SPATA13: variants seen among roughly 807,000 people sequenced by gnomAD.
The protein encoded by SPATA13 is spermatogenesis-associated protein 13.
SPATA13 carries 50 observed loss-of-function variants against 104.0 expected under a neutral mutation model. The ratio of observed to expected loss-of-function variants is 0.48; its 90% CI spans 0.38 to 0.61. SPATA13 has a LOEUF of 0.61. Among genes scored for constraint, SPATA13 ranks in the 20% least tolerant of loss-of-function variants. The pLI is 0.00. For synonymous variants in SPATA13, 606 were observed against 667.5 expected, an observed-to-expected ratio of 0.91 and a Z score of 1.42; for missense variants, 1,524 against 1,690.6, an observed-to-expected ratio of 0.90 and a Z score of 1.73.
chr13:23,990,832 C>T (rs1051363274), intron 2 of SPATA13, among the ~76,000 whole-genome samples: 1 of 152,162 alleles, frequency 6.6e-6, no homozygotes, highest in African/African-American at 2.4e-5. Context: ...AAGGAGAATG[C>T]CTTCTGGAAA....
rs1876160991 is a variant in SPATA13 at position 24,289,143 on chromosome 13, C to CT, written c.2812_2813insT (p.His938LeufsTer4). 6.2e-7 allele frequency: 1 copy of CT among 1,611,564 alleles called. No individual in the cohort carries two copies. The highest frequency in any genetic ancestry group is 1.3e-5 in the African/African-American group (1 of 74,694). ...GAAACAGTACAACAAAGAGGAACCTCACTTAAGTGAAATAGGATCTTGCTT... is the reference window on the plus strand; with the variant it reads ...GAAACAGTACAACAAAGAGGAACCTCTACTTAAGTGAAATAGGATCTTGCTT... On this transcript the variant is annotated frameshift_variant, in exon 8 of 13. Coordinates refer to ENST00000382108, the MANE Select transcript of SPATA13 (RefSeq NM_001166271.3). LOFTEE classifies it high-confidence loss of function.
Position 24,224,229 on chromosome 13 carries a change from C to G in SPATA13, c.1300C>G (p.Pro434Ala). ...CTGCACTTGCAGCTCTTTGCCAAGCCCGATTGTCCAGGATGTGTTGAGCAA... is the reference window on the plus strand; with the variant it reads ...CTGCACTTGCAGCTCTTTGCCAAGCGCGATTGTCCAGGATGTGTTGAGCAA... The part of the protein sequence containing the change: ...SSCTCSSLPS[P>A]IVQDVLSKDS... The change falls in exon 2 of 13, where the codon CCG becomes GCG. Residue 434 changes from proline to alanine, a missense_variant. Physicochemically the swap from Pro to Ala is conservative, Grantham distance 27. Coordinates refer to ENST00000382108, the MANE Select transcript of SPATA13 (RefSeq NM_001166271.3). The G allele has an allele frequency of 1.3e-6, 2 of 1,551,694 alleles. No homozygotes were observed. Among genetic ancestry groups the G allele is most frequent in the Non-Finnish European group, 1.7e-6 (2 of 1,146,994 alleles).
At chr13:24,227,408 G>GTT (rs1872005825) in intron 2 of SPATA13, among the ~76,000 whole-genome samples, 1 of 152,062 alleles carries the variant, frequency 6.6e-6, no homozygotes, top group Non-Finnish European at 1.5e-5. Context: ...GCTATTGTTA[G>GTT]TTATATCAAA....
intron 3 of SPATA13, among the ~76,000 whole-genome samples, chr13:24,070,419 T>G (rs1879117261): frequency 6.6e-6 from 1 of 152,156 alleles, no homozygotes; most frequent in Admixed American, 6.5e-5. Context: ...AGAGAGGAGA[T>G]ATCTCTTTCC....
At chr13:24,162,762 G>A (rs1375820190) in intron 1 of SPATA13, among the ~76,000 whole-genome samples, 1 of 152,188 alleles carries the variant, frequency 6.6e-6, no homozygotes, top group Admixed American at 6.5e-5. Context: ...ATGAGAAAAG[G>A]AAGGCTCAGA....
rs757550421 is a variant in SPATA13, at chr13:24,302,852, A to C, written c.*79A>C. On this transcript the variant is annotated 3_prime_UTR_variant, in exon 13 of 13. Transcript: ENST00000382108. ...GTTTCTTGTGTGCTTCAATCCAGGG[A>C]AAGTTTCTTGGACCCAGTGATAAAA... 1.3e-6 allele frequency: 2 copies of C among 1,592,506 alleles called. No individual in the cohort carries two copies. The highest frequency in any genetic ancestry group is 1.7e-6 in the Non-Finnish European group (2 of 1,165,282).
At chr13:24,217,571 G>A (rs1418320456) in intron 1 of SPATA13, among the ~76,000 whole-genome samples, 3 of 152,238 alleles carry the variant, frequency 2.0e-5, no homozygotes, top group Admixed American at 1.3e-4. Flanking sequence ...GGCAGACAAG[G>A]AAAGCAGAAT....
chr13:24,106,540 A>G (rs993488395), intron 3 of SPATA13, among the ~76,000 whole-genome samples: 4 of 152,188 alleles, frequency 2.6e-5, no homozygotes, highest in African/African-American at 9.7e-5. Context: ...CCAAGCCTGT[A>G]GGTGCATTGC....
At position 24,221,806 on chromosome 13, in the gene SPATA13, A is replaced by ATTT. The variant is rs35282665; in HGVS notation, c.-111-995_-111-993dup. On this transcript the variant is annotated intron_variant, in intron 1 of 12. Coordinates refer to ENST00000382108, the MANE Select transcript of SPATA13 (RefSeq NM_001166271.3). The stretch of plus-strand genomic sequence containing the variant: ...GTTTAATTTGAATTCTTACCTCTGA[A>ATTT]TTTTTTTTTTTTTTTTTTTTGAGAC... 2.8e-4 allele frequency among the ~76,000 whole-genome samples: 34 copies of ATTT among 122,426 alleles called. 1 individual carries two copies. The highest frequency in any genetic ancestry group is 8.6e-4 in the African/African-American group (27 of 31,262). 80.3% of individuals were successfully genotyped at this position (122,426 alleles called of 152,430 possible). A position where few individuals can be genotyped will look rare whatever the true frequency, so the allele number is the denominator to read the frequency against.
chr13:24,157,307 A>G (rs1882285687), upstream of SPATA13, among the ~76,000 whole-genome samples: 1 of 151,640 alleles, frequency 6.6e-6, no homozygotes, highest in Non-Finnish European at 1.5e-5. Context: ...TCTTTTTAAT[A>G]TATTTTTTTG....
At chr13:24,050,845 C>CATT (rs930063522) in intron 3 of SPATA13, among the ~76,000 whole-genome samples, 82 of 152,340 alleles carry the variant, frequency 5.4e-4, no homozygotes, top group African/African-American at 1.9e-3. Flanking sequence ...GTGTAACACT[C>CATT]AGACACCCAA....
chr13:24,197,217 G>A (rs1870106790), intron 1 of SPATA13, among the ~76,000 whole-genome samples: 1 of 152,134 alleles, frequency 6.6e-6, no homozygotes, highest in South Asian at 2.1e-4. Flanking sequence ...TAATATTTAT[G>A]TGATGGAATA....
chr13:24,157,693 A>T (rs144133880), upstream of SPATA13, among the ~76,000 whole-genome samples: 1 of 152,210 alleles, frequency 6.6e-6, no homozygotes, highest in Non-Finnish European at 1.5e-5. Context: ...ATGAGGAGAA[A>T]GGAGTTTCCT....
Position 24,294,851 on chromosome 13 carries a change from T to G in SPATA13, c.3193T>G (p.Ser1065Ala). The part of the protein sequence containing the change: ...SIDKIARWQV[S>A]IVGWEGLDIL... ...CGACAAGATAGCTCGCTGGCAGGTG[T>G]CTATCGTGGGCTGGGAGGTAAGTGG... The change falls in exon 10 of 13, where the codon TCT (serine) becomes GCT (alanine). Residue 1065 changes from serine (S) to alanine (A), a missense_variant. Around this residue, in one of 2 missense-constraint regions of SPATA13, gnomAD observed 435 missense variants for 554.8 expected, o/e 0.78. Coordinates refer to ENST00000382108, the MANE Select transcript of SPATA13 (RefSeq NM_001166271.3). 6.2e-7 allele frequency: 1 copy of G among 1,609,644 alleles called. No homozygotes were observed. Among genetic ancestry groups the G allele is most frequent in the South Asian group, 1.1e-5 (1 of 90,954 alleles).
At chr13:24,125,318 C>G (rs142579144) in intron 3 of SPATA13, among the ~76,000 whole-genome samples, 72 of 152,280 alleles carry the variant, frequency 4.7e-4, no homozygotes, top group Non-Finnish European at 8.8e-4. Flanking sequence ...AGGGAAACTT[C>G]CTGTCATTCC....
intron 2 of SPATA13, among the ~76,000 whole-genome samples, chr13:23,986,502 A>G (rs1198278601): frequency 1.3e-5 from 2 of 152,176 alleles, no homozygotes; most frequent in Non-Finnish European, 2.9e-5. Context: ...TGTCTTCTCT[A>G]AGAATCCCAA....
chr13:24,297,360 C>T lies in SPATA13; in HGVS notation c.3211-3C>T. On this transcript the variant is annotated splice_region_variant and splice_polypyrimidine_tract_variant and intron_variant, in intron 10 of 12. Transcript: ENST00000382108. ...GTCTTAAGATGTGTTTTCATCCTTC[C>T]AGGGACTGGATATCTTAGACCGAAG... is the stretch of plus-strand genomic sequence containing the variant. 1.2e-6 allele frequency: 2 copies of T among 1,603,916 alleles called. No homozygotes were observed. Among genetic ancestry groups the T allele is most frequent in the Non-Finnish European group, 1.7e-6 (2 of 1,174,414 alleles).
At chr13:24,296,543 T>G (rs1316850150) in intron 10 of SPATA13, among the ~76,000 whole-genome samples, 1 of 152,228 alleles carries the variant, frequency 6.6e-6, no homozygotes, top group Non-Finnish European at 1.5e-5. Flanking sequence ...TCTATGACCC[T>G]GAACAAGTTG....
chr13:24,058,965 T>TTTTTG (rs551360547), intron 3 of SPATA13, among the ~76,000 whole-genome samples: 2 of 149,802 alleles, frequency 1.3e-5, no homozygotes, highest in East Asian at 2.0e-4. Flanking sequence ...TGTGTATTGT[T>TTTTTG]TTTTGTTTTG....
Sources: gnomAD v4.1 joint callset for allele counts (sites outside exome capture counted in the v4.1 genomes callset) on GRCh38, gnomAD v4.1.1 for gene constraint, gnomAD v4.1.1 regional missense constraint, MANE v1.5 for transcripts, NCBI Gene and HGNC (gene_info 2026-07-23, HGNC 2026-07-21) for gene names.